PDE4D: variants seen among roughly 807,000 people sequenced by gnomAD.
The protein encoded by PDE4D is 3',5'-cyclic-AMP phosphodiesterase 4D.
A neutral mutation model predicts 87.4 loss-of-function variants in PDE4D; 24 were observed. That is an observed-to-expected ratio of 0.27 (90% CI 0.20 to 0.39). The LOEUF is 0.39. Ranked by LOEUF, PDE4D falls within the 10% of genes least tolerant of loss-of-function variation. The pLI, the probability that PDE4D is intolerant of heterozygous loss-of-function variation, is 1.00. For missense variants in PDE4D, 714 were observed against 1,041.0 expected, an observed-to-expected ratio of 0.69 and a Z score of 4.32; for synonymous variants, 384 against 383.2, an observed-to-expected ratio of 1.00 and a Z score of -0.02.
rs1020482683 is a variant in PDE4D, at chr5:59,739,326, G to A, written c.455+153842C>T. 2.6e-4 allele frequency among the ~76,000 whole-genome samples: 39 copies of A among 152,032 alleles called. 1 individual carries two copies. The highest frequency in any genetic ancestry group is 1.5e-5 in the Non-Finnish European group (1 of 67,994). On this transcript the variant is annotated intron_variant, in intron 1 of 14. Coordinates refer to ENST00000340635, the MANE Select transcript of PDE4D (RefSeq NM_001104631.2). ...TCCCAGCTATTCGGGAGGCTGAGAT[G>A]AGAGGATCGCTTGAACCCAAAAGGC...
chr5:60,322,367 TACACACACACACACAC>T lies in PDE4D; in HGVS notation c.-89-136696_-89-136681del, dbSNP rs60232413. The stretch of plus-strand genomic sequence containing the variant: ...AACATTGAATATATATGGACACACA[TACACACACACACACAC>T]ACACACACACACACACACACACACA... On this transcript the variant is annotated intron_variant, in intron 1 of 16. Transcript: ENST00000502484. 5.9e-3 allele frequency among the ~76,000 whole-genome samples: 779 copies of T among 132,812 alleles called. 11 individuals carry two copies. The highest frequency in any genetic ancestry group is 0.018 in the African/African-American group (647 of 36,838). The allele number at this position is 132,812 out of a possible 152,430, so 87.1% of individuals were successfully genotyped here.
chr5:59,624,540 G>A (rs377597048), intron 1 of PDE4D, among the ~76,000 whole-genome samples: 2 of 152,214 alleles, frequency 1.3e-5, no homozygotes, highest in African/African-American at 2.4e-5. Flanking sequence ...TGGCACAAAC[G>A]TGGTAGTACT....
intron 1 of PDE4D, among the ~76,000 whole-genome samples, chr5:59,340,291 A>G (rs1778489167): frequency 6.6e-6 from 1 of 152,226 alleles, no homozygotes; most frequent in Non-Finnish European, 1.5e-5. Flanking sequence ...CAGTAGAAAC[A>G]TAATGTGAAC....
chr5:59,242,375 G>A (rs935341522), intron 1 of PDE4D, among the ~76,000 whole-genome samples: 1 of 152,142 alleles, frequency 6.6e-6, no homozygotes, highest in Admixed American at 6.6e-5. Flanking sequence ...TTTTGATAAA[G>A]TTTCACTGAT....
At chr5:59,142,261 T>A (rs1347778065) in intron 5 of PDE4D, among the ~76,000 whole-genome samples, 1 of 152,214 alleles carries the variant, frequency 6.6e-6, no homozygotes, top group Non-Finnish European at 1.5e-5. Context: ...TCTGTTTACG[T>A]TAATATTTTG....
intron 1 of PDE4D, among the ~76,000 whole-genome samples, chr5:59,803,995 G>A (rs1168956882): frequency 1.3e-5 from 2 of 152,126 alleles, no homozygotes; most frequent in Non-Finnish European, 2.9e-5. Context: ...GAATGACCAT[G>A]TCCCACTTTC....
At chr5:59,408,243 C>T (rs1022818985) in intron 1 of PDE4D, among the ~76,000 whole-genome samples, 1 of 152,220 alleles carries the variant, frequency 6.6e-6, no homozygotes, top group African/African-American at 2.4e-5. Context: ...TCCATCCAGT[C>T]CAGCCGTGGC....
chr5:59,739,962 C>G (rs895551404), intron 1 of PDE4D, among the ~76,000 whole-genome samples: 1 of 152,120 alleles, frequency 6.6e-6, no homozygotes, highest in Non-Finnish European at 1.5e-5. Context: ...TTAAAATTCT[C>G]ATTGGAAGTT....
intron 1 of PDE4D, among the ~76,000 whole-genome samples, chr5:59,574,117 TAAATATATATTTATATATATATATATAA>T (rs1822612844): frequency 2.8e-4 from 1 of 3,600 alleles, no homozygotes; most frequent in Non-Finnish European, 8.9e-4. Flanking sequence ...TATATATATA[TAAATATATATTTATATATATATATATAA>T]ATATATATTT....
intron 5 of PDE4D, among the ~76,000 whole-genome samples, chr5:59,128,790 C>A (rs1775872507): frequency 6.6e-6 from 1 of 152,190 alleles, no homozygotes; most frequent in Non-Finnish European, 1.5e-5. Flanking sequence ...CAGAGAGAAG[C>A]TGTTTAACAA....
At chr5:60,506,874 G>A (rs1037939906) in intron 1 of PDE4D, among the ~76,000 whole-genome samples, 1 of 151,808 alleles carries the variant, frequency 6.6e-6, no homozygotes, top group Non-Finnish European at 1.5e-5. Context: ...TATTTCTTCT[G>A]ATTATAAAAA....
chr5:59,382,580 G>C (rs1029936741), intron 1 of PDE4D, among the ~76,000 whole-genome samples: 1 of 152,134 alleles, frequency 6.6e-6, no homozygotes, highest in Non-Finnish European at 1.5e-5. Context: ...AGGGCTGGCA[G>C]TGACATTCTC....
At chr5:60,233,092 G>T (rs1746003382) in intron 1 of PDE4D, among the ~76,000 whole-genome samples, 1 of 151,480 alleles carries the variant, frequency 6.6e-6, no homozygotes, top group South Asian at 2.1e-4. Flanking sequence ...GAAATCTCAT[G>T]GGAATAAGGT....
At chr5:59,280,927 TAGG>T (rs888360846) in intron 1 of PDE4D, among the ~76,000 whole-genome samples, 3 of 152,096 alleles carry the variant, frequency 2.0e-5, no homozygotes, top group African/African-American at 7.2e-5. Context: ...CTGGTGTGGG[TAGG>T]AGAAGGACGC....
At chr5:59,510,173 T>C (rs1382324806) in intron 1 of PDE4D, among the ~76,000 whole-genome samples, 1 of 150,718 alleles carries the variant, frequency 6.6e-6, no homozygotes, top group African/African-American at 2.4e-5. Context: ...ATCAAAGGGA[T>C]TTATAAAATA....
At chr5:59,028,613 A>T (rs1342246761) in intron 6 of PDE4D, among the ~76,000 whole-genome samples, 1 of 151,876 alleles carries the variant, frequency 6.6e-6, no homozygotes, top group Non-Finnish European at 1.5e-5. Context: ...CAGAGAATGA[A>T]TCCAATTCAG....
intron 1 of PDE4D, among the ~76,000 whole-genome samples, chr5:60,357,608 T>C (rs1288130253): frequency 1.3e-5 from 2 of 152,202 alleles, no homozygotes; most frequent in East Asian, 3.9e-4. Flanking sequence ...TTGGAATTTT[T>C]ACTAGATTTC....
At chr5:59,610,245 G>A (rs568274231) in intron 1 of PDE4D, among the ~76,000 whole-genome samples, 2 of 152,212 alleles carry the variant, frequency 1.3e-5, no homozygotes, top group Non-Finnish European at 2.9e-5. Context: ...AAGAGGTTGT[G>A]TGAGTTACTG....
At chr5:60,162,862 A>T (rs974576247) in intron 2 of PDE4D, among the ~76,000 whole-genome samples, 3 of 152,156 alleles carry the variant, frequency 2.0e-5, no homozygotes, top group African/African-American at 7.2e-5. Flanking sequence ...ACCTGGTACC[A>T]CAGACTTAGT....
Sources: allele counts gnomAD v4.1 joint callset (sites outside exome capture counted in the v4.1 genomes callset), GRCh38; gene constraint gnomAD v4.1.1; transcripts MANE v1.5; gene names NCBI Gene and HGNC (gene_info 2026-07-23, HGNC 2026-07-21).